The following MCC variants were observed in gnomAD, a reference collection of about 807,000 sequenced individuals.
MCC encodes MCC regulator of Wnt signaling pathway.
MCC carries 90 observed loss-of-function variants against 116.2 expected under a neutral mutation model. The ratio of observed to expected loss-of-function variants is 0.77; its 90% CI spans 0.65 to 0.92. The LOEUF (loss-of-function observed/expected upper bound fraction) is 0.92. MCC is among the 40% of genes least tolerant of loss of function. The probability of loss-of-function intolerance (pLI) is 0.00; values close to 1 mark genes in which losing one functional copy is unlikely to be tolerated. For missense variants in MCC, 1,516 were observed against 1,312.2 expected, an observed-to-expected ratio of 1.16 and a Z score of -2.40; for synonymous variants, 578 against 510.5, an observed-to-expected ratio of 1.13 and a Z score of -1.78.
chr5:113,103,112 T>TA (rs974603162), intron 7 of MCC, among the ~76,000 whole-genome samples: 13 of 151,064 alleles, frequency 8.6e-5, no homozygotes, highest in African/African-American at 2.7e-4. Flanking sequence ...AGACTCCGTC[T>TA]AAAAAAAAAT....
At chr5:113,280,171 A>G (rs964102758) in intron 3 of MCC, among the ~76,000 whole-genome samples, 2 of 152,300 alleles carry the variant, frequency 1.3e-5, no homozygotes, top group East Asian at 3.9e-4. Context: ...CCCCAGTTGT[A>G]CTGGGTGGGC....
chr5:113,166,216 G>C (rs1306337324), intron 3 of MCC, among the ~76,000 whole-genome samples: 1 of 152,064 alleles, frequency 6.6e-6, no homozygotes, highest in African/African-American at 2.4e-5. Flanking sequence ...AAGACTCCTA[G>C]GCTGTTTAGG....
chr5:113,315,257 C>T (rs1184729437), intron 3 of MCC, among the ~76,000 whole-genome samples: 1 of 152,156 alleles, frequency 6.6e-6, no homozygotes, highest in Non-Finnish European at 1.5e-5. Flanking sequence ...CCCCAAATTC[C>T]TAACAGTATC....
intron 3 of MCC, among the ~76,000 whole-genome samples, chr5:113,185,077 G>T (rs1014875711): frequency 1.3e-5 from 2 of 152,192 alleles, no homozygotes; most frequent in African/African-American, 4.8e-5. Flanking sequence ...CACCACGTTA[G>T]GCCACTCCAC....
In MCC at chr5:113,082,261, T is replaced by C. The variant is rs146229982; in HGVS notation, c.1784+599A>G. ...GGACAGTTAGGATAGGATGTAGGGA[T>C]CCAAGACTGAGCACATTTGCGAAGA... is the stretch of plus-strand genomic sequence containing the variant. On this transcript the variant is annotated intron_variant, in intron 11 of 18. Coordinates refer to ENST00000408903, the MANE Select transcript of MCC (RefSeq NM_001085377.2). Among the ~76,000 whole-genome samples the C allele has an allele frequency of 1.5e-3, 233 of 152,360 alleles. 3 individuals carry two copies. Among genetic ancestry groups the C allele is most frequent in the African/African-American group, 5.3e-3 (222 of 41,588 alleles).
intron 11 of MCC, among the ~76,000 whole-genome samples, chr5:113,072,114 T>G (rs890734225): frequency 3.9e-5 from 6 of 152,234 alleles, no homozygotes; most frequent in African/African-American, 1.4e-4. Context: ...TCATTTTCCA[T>G]GGACACATCT....
intron 12 of MCC, among the ~76,000 whole-genome samples, chr5:113,069,442 C>G (rs1022483164): frequency 6.6e-6 from 1 of 152,372 alleles, no homozygotes; most frequent in Non-Finnish European, 1.5e-5. Flanking sequence ...GTACAGCATC[C>G]TCAGGGTCCC....
At chr5:113,223,995 C>A (rs973840733) in intron 3 of MCC, among the ~76,000 whole-genome samples, 22 of 152,166 alleles carry the variant, frequency 1.4e-4, no homozygotes, top group African/African-American at 4.8e-4. Flanking sequence ...ACCAGCAACA[C>A]TTCCTGGGAC....
intron 3 of MCC, among the ~76,000 whole-genome samples, chr5:113,327,461 G>A (rs534615715): frequency 2.7e-5 from 4 of 147,528 alleles, no homozygotes; most frequent in Admixed American, 2.1e-4. Flanking sequence ...CAGAAGAATC[G>A]CTTGAACCCA....
At chr5:113,093,515 G>T (rs553406508) in intron 8 of MCC, among the ~76,000 whole-genome samples, 1 of 151,802 alleles carries the variant, frequency 6.6e-6, no homozygotes, top group Non-Finnish European at 1.5e-5. Flanking sequence ...GAAAGTAAAT[G>T]ATGCAAGCCA....
intron 3 of MCC, among the ~76,000 whole-genome samples, chr5:113,211,836 C>T (rs944917728): frequency 6.6e-6 from 1 of 152,176 alleles, no homozygotes; most frequent in Admixed American, 6.5e-5. Context: ...TTATTAGAAA[C>T]AAACATGAAA....
At chr5:113,357,951 C>G (rs1161447086) in intron 2 of MCC, among the ~76,000 whole-genome samples, 1 of 152,140 alleles carries the variant, frequency 6.6e-6, no homozygotes, top group African/African-American at 2.4e-5. Context: ...ACTTTACTTC[C>G]TTTTGTTCCT....
At chr5:113,300,579 A>G (rs1766837880) in intron 3 of MCC, among the ~76,000 whole-genome samples, 1 of 152,222 alleles carries the variant, frequency 6.6e-6, no homozygotes, top group African/African-American at 2.4e-5. Context: ...GGGGGATTTC[A>G]GAACCCTATG....
At chr5:113,228,684 AC>A (rs1763835340) in intron 3 of MCC, among the ~76,000 whole-genome samples, 1 of 152,176 alleles carries the variant, frequency 6.6e-6, no homozygotes, top group Admixed American at 6.5e-5. Flanking sequence ...CAGAGGAATA[AC>A]ATGAATTGAC....
At chr5:113,286,201 C>G (rs566700056) in intron 3 of MCC, among the ~76,000 whole-genome samples, 1 of 152,160 alleles carries the variant, frequency 6.6e-6, no homozygotes, top group African/African-American at 2.4e-5. Context: ...CTGGAGACAC[C>G]GGGGGCCGCT....
chr5:113,312,360 T>C (rs1767156232), intron 3 of MCC, among the ~76,000 whole-genome samples: 1 of 152,104 alleles, frequency 6.6e-6, no homozygotes, highest in South Asian at 2.1e-4. Flanking sequence ...AGAGTTCACA[T>C]AGACTGGTGG....
intron 15 of MCC, among the ~76,000 whole-genome samples, chr5:113,052,656 GT>G (rs1752560062): frequency 1.3e-5 from 2 of 152,184 alleles, no homozygotes; most frequent in African/African-American, 4.8e-5. Flanking sequence ...CCAGGGGGTT[GT>G]TTTTCTCCCT....
intron 5 of MCC, among the ~76,000 whole-genome samples, chr5:113,140,826 G>C (rs532847360): frequency 8.9e-4 from 136 of 152,236 alleles, no homozygotes; most frequent in African/African-American, 3.1e-3. Flanking sequence ...GGTATGCTAG[G>C]GCAGTTAGAG....
intron 3 of MCC, among the ~76,000 whole-genome samples, chr5:113,315,402 A>G (rs1309226463): frequency 6.6e-6 from 1 of 152,230 alleles, no homozygotes. Flanking sequence ...ATTAAATCAT[A>G]TGAAATTGCT....
Sources: gnomAD v4.1 joint callset for allele counts (sites outside exome capture counted in the v4.1 genomes callset) on GRCh38, gnomAD v4.1.1 for gene constraint, MANE v1.5 for transcripts, NCBI Gene and HGNC (gene_info 2026-07-23, HGNC 2026-07-21) for gene names.